The following MAST2 variants were observed in gnomAD, a reference collection of about 807,000 sequenced individuals.
MAST2 encodes the protein microtubule associated serine/threonine kinase 2.
In MAST2, 70 loss-of-function variants were observed where a neutral mutation model predicts 147.4. The observed-to-expected ratio is 0.47, with a 90% CI of 0.39 to 0.58. MAST2 has a LOEUF of 0.58. MAST2 is among the 20% of genes least tolerant of loss of function. The probability of loss-of-function intolerance (pLI) is 0.00; values close to 1 mark genes in which losing one functional copy is unlikely to be tolerated. For missense variants in MAST2, 2,080 were observed against 2,302.3 expected (o/e 0.90, Z 1.98); for synonymous variants, 869 against 896.8 (o/e 0.97, Z 0.55).
At chr1:45,918,808 A>G (rs2148627884) in intron 4 of MAST2, among the ~76,000 whole-genome samples, 1 of 152,218 alleles carries the variant, frequency 6.6e-6, no homozygotes, top group Middle Eastern at 3.4e-3. Flanking sequence ...ACATGATCTG[A>G]CGTAGATCAA....
At chr1:45,997,309 G>GATAT (rs1383639822) in intron 5 of MAST2, among the ~76,000 whole-genome samples, 1 of 152,146 alleles carries the variant, frequency 6.6e-6, no homozygotes, top group African/African-American at 2.4e-5. Flanking sequence ...AGTGCGCAGA[G>GATAT]ATATATATGC....
In MAST2 at chr1:45,829,467, T is replaced by A; in HGVS notation, c.354T>A (p.Ser118Arg). The change falls in exon 3 of 29, where the codon AGT (serine) becomes AGA (arginine). Residue 118 changes from serine (S) to arginine (R), a missense_variant. Around this residue, in one of 4 missense-constraint regions of MAST2, gnomAD observed 569 missense variants for 642.5 expected, o/e 0.89. Transcript: ENST00000361297. ...AGCAGCTGCTCCCTTTGTCCAGCAG[T>A]GTACATAGCAGTGTGGGACAGGTGA... Reference protein sequence around the residue: ...SGKQLLPLSSSVHSSVGQVTW... With the variant: ...SGKQLLPLSSRVHSSVGQVTW... The A allele has an allele frequency of 1.2e-6, 2 of 1,613,930 alleles. No homozygotes were observed. The highest frequency in any genetic ancestry group is 1.7e-6 in the Non-Finnish European group (2 of 1,179,910).
At chr1:46,009,470 G>A (rs1443116898) in intron 9 of MAST2, among the ~76,000 whole-genome samples, 1 of 152,236 alleles carries the variant, frequency 6.6e-6, no homozygotes, top group Non-Finnish European at 1.5e-5. Context: ...CCTGTGCCCT[G>A]TGGTCTGTGC....
intron 5 of MAST2, among the ~76,000 whole-genome samples, chr1:45,981,526 T>C (rs1454195353): frequency 2.0e-5 from 3 of 152,198 alleles, no homozygotes; most frequent in Admixed American, 6.5e-5. Flanking sequence ...GCCATAATTT[T>C]TAACCTTGTG....
intron 4 of MAST2, among the ~76,000 whole-genome samples, chr1:45,894,631 A>G (rs999340533): frequency 1.3e-5 from 2 of 152,214 alleles, no homozygotes; most frequent in African/African-American, 2.4e-5. Context: ...CCAAAACTGA[A>G]TAAATTATTT....
At chr1:45,845,799 C>T (rs529839166) in intron 3 of MAST2, among the ~76,000 whole-genome samples, 4 of 152,320 alleles carry the variant, frequency 2.6e-5, no homozygotes, top group South Asian at 4.1e-4. Flanking sequence ...GTGTCTCTGT[C>T]GCCCAGGCTG....
intron 11 of MAST2, among the ~76,000 whole-genome samples, chr1:46,021,147 T>A (rs563946344): frequency 6.6e-6 from 1 of 152,276 alleles, no homozygotes; most frequent in South Asian, 2.1e-4. Flanking sequence ...TTAAAAGGAC[T>A]TCCAGGTCTG....
At chr1:45,881,121 A>G (rs1177775352) in intron 3 of MAST2, among the ~76,000 whole-genome samples, 1 of 152,218 alleles carries the variant, frequency 6.6e-6, no homozygotes, top group Non-Finnish European at 1.5e-5. Context: ...TTTATGACTC[A>G]GTAGTTCAAC....
intron 3 of MAST2, among the ~76,000 whole-genome samples, chr1:45,875,028 G>T (rs756421705): frequency 4.6e-5 from 7 of 152,214 alleles, no homozygotes; most frequent in Non-Finnish European, 2.9e-5. Context: ...CAATAAGACT[G>T]GAGAATTATG....
At position 46,031,584 on chromosome 1, in the gene MAST2, G is replaced by A. The variant is rs370799299; in HGVS notation, c.3186G>A (p.Ser1062=). Residue 1062 remains serine, a splice_region_variant and synonymous_variant, in exon 24 of 29, where the codon TCG becomes TCA. Transcript: ENST00000361297. The surrounding 1 kb of genome is among the most constrained non-coding windows in gnomAD (Gnocchi z 4.1). ...CAGCCCTCTCACTCCTCATTCCTTC[G>A]GGTGAGGCCCCTGGGGAGCTGGGAT... The part of the protein sequence containing the change: ...SATALSLLIP[S]EHHTCSPLAS... The A allele has an allele frequency of 1.5e-5, 24 of 1,609,558 alleles. No homozygotes were observed. Among genetic ancestry groups the A allele is most frequent in the Admixed American group, 6.7e-5 (4 of 59,850 alleles).
At chr1:45,991,712 A>G (rs1300209814) in intron 5 of MAST2, among the ~76,000 whole-genome samples, 1 of 152,178 alleles carries the variant, frequency 6.6e-6, no homozygotes, top group Non-Finnish European at 1.5e-5. Context: ...TAATATTAGC[A>G]TTGTATCCTG....
At chr1:45,918,528 C>T (rs1171012210) in intron 4 of MAST2, among the ~76,000 whole-genome samples, 4 of 152,180 alleles carry the variant, frequency 2.6e-5, no homozygotes, top group African/African-American at 9.7e-5. Flanking sequence ...AACTCTGCCT[C>T]CCAGGTTTAA....
chr1:45,847,172 C>A, intron 3 of MAST2: 1 of 521,406 alleles, frequency 1.9e-6, no homozygotes, highest in South Asian at 1.5e-5. Context: ...AGTCCCATTC[C>A]CTAAATGTTT....
At chr1:45,876,417 A>G (rs912068042) in intron 3 of MAST2, among the ~76,000 whole-genome samples, 2 of 152,202 alleles carry the variant, frequency 1.3e-5, no homozygotes, top group Admixed American at 6.5e-5. Flanking sequence ...TCAGAATGCT[A>G]ATCAGGAAGA....
At chr1:45,986,098 A>G (rs1376594773) in intron 5 of MAST2, among the ~76,000 whole-genome samples, 4 of 152,194 alleles carry the variant, frequency 2.6e-5, no homozygotes, top group Non-Finnish European at 2.9e-5. Flanking sequence ...AATCGTAGAT[A>G]TTCTTGCCTT....
At chr1:46,029,016 T>G (rs1557506312) in intron 18 of MAST2, 83 bp downstream of exon 18, 20 of 1,422,774 alleles carry the variant, frequency 1.4e-5, no homozygotes, top group Non-Finnish European at 1.7e-5. Flanking sequence ...GTGAGGCCTG[T>G]GAGCTCTTGT....
At chr1:46,015,657 A>G (rs1025007664) in intron 10 of MAST2, among the ~76,000 whole-genome samples, 5 of 152,196 alleles carry the variant, frequency 3.3e-5, no homozygotes, top group Non-Finnish European at 5.9e-5. Flanking sequence ...GACCAATAAC[A>G]GGCTCTGAAA....
At chr1:45,856,211 A>G (rs963134565) in intron 3 of MAST2, among the ~76,000 whole-genome samples, 5 of 152,174 alleles carry the variant, frequency 3.3e-5, no homozygotes, top group South Asian at 2.1e-4. Context: ...CCGTAATCCA[A>G]TGCTTTGGGA....
intron 5 of MAST2, among the ~76,000 whole-genome samples, chr1:45,975,219 T>A (rs1644087727): frequency 6.6e-6 from 1 of 152,150 alleles, no homozygotes; most frequent in Non-Finnish European, 1.5e-5. Flanking sequence ...TCCAGGGTGC[T>A]TGGGAGTACA....
Sources: allele counts gnomAD v4.1 joint callset (sites outside exome capture counted in the v4.1 genomes callset), GRCh38; gene constraint gnomAD v4.1.1; regional missense constraint gnomAD v4.1.1; non-coding constraint Gnocchi (gnomAD v3.1); transcripts MANE v1.5; gene names NCBI Gene and HGNC (gene_info 2026-07-23, HGNC 2026-07-21).